INTS3: variants seen among roughly 807,000 people sequenced by gnomAD.
INTS3 encodes integrator complex subunit 3, also known as SOSS complex subunit A.
Under a neutral mutation model 146.3 loss-of-function variants are expected in INTS3, and 34 were observed. The observed-to-expected ratio is 0.23, with a 90% CI of 0.18 to 0.31. INTS3 has a LOEUF of 0.31. Among genes scored for constraint, INTS3 ranks in the 10% least tolerant of loss-of-function variants. The pLI is 1.00. For missense variants in INTS3, 757 were observed against 1,304.2 expected (o/e 0.58, Z 6.46); for synonymous variants, 475 against 494.9 (o/e 0.96, Z 0.53).
chr1:153,748,027 A>G (rs1246449182), intron 5 of INTS3: 1 of 157,758 alleles, frequency 6.3e-6, no homozygotes, highest in Non-Finnish European at 1.4e-5. Context: ...TTTGATGTGT[A>G]TGAACCTTAA....
At chr1:153,732,739 T>C (rs1193306428) in intron 1 of INTS3, among the ~76,000 whole-genome samples, 3 of 151,806 alleles carry the variant, frequency 2.0e-5, no homozygotes, top group Non-Finnish European at 4.4e-5. Flanking sequence ...TGAGTCACTG[T>C]GCCTGGCCAT....
intron 24 of INTS3, 146 bp downstream of exon 24, chr1:153,770,457 G>A: frequency 1.4e-6 from 1 of 709,050 alleles, no homozygotes; most frequent in Admixed American, 2.3e-5. Flanking sequence ...CTCTCTGTCA[G>A]CCACTTTTGT....
At chr1:153,728,834 T>G in intron 1 of INTS3, 50 bp downstream of exon 1, 221 of 622,418 alleles carry the variant, frequency 3.6e-4, no homozygotes, top group Non-Finnish European at 4.6e-4. Flanking sequence ...TTTGGAGGGA[T>G]ACTGGAGCGG....
intron 3 of INTS3, among the ~76,000 whole-genome samples, chr1:153,741,780 G>A (rs1671544044): frequency 6.6e-6 from 1 of 152,190 alleles, no homozygotes; most frequent in Non-Finnish European, 1.5e-5. Flanking sequence ...ATTTTAGTAG[G>A]TAGGATTTAG....
chr1:153,764,851 T>A, intron 19 of INTS3, 93 bp from the exon 20 acceptor site: 1 of 1,557,502 alleles, frequency 6.4e-7, no homozygotes, highest in Non-Finnish European at 8.9e-7. Flanking sequence ...ACATATGCTG[T>A]GGGCACAGAC....
At chr1:153,765,140 A>G (rs1348218538) in intron 20 of INTS3, 77 bp downstream of exon 20, 7 of 1,507,178 alleles carry the variant, frequency 4.6e-6, no homozygotes, top group African/African-American at 1.4e-5. Flanking sequence ...TGACTCCCCA[A>G]CCCTGGACTG....
intron 1 of INTS3, among the ~76,000 whole-genome samples, chr1:153,733,379 A>G (rs2101774470): frequency 6.8e-6 from 1 of 148,028 alleles, no homozygotes. Context: ...CGCCCAGCTA[A>G]TTTTTGTATT....
At chr1:153,760,472 TC>T in intron 12 of INTS3, 82 bp downstream of exon 12, 1 of 1,192,798 alleles carries the variant, frequency 8.4e-7, no homozygotes, top group Non-Finnish European at 1.2e-6. Flanking sequence ...AGTGAACGGG[TC>T]TTCTCGGTAT....
intron 8 of INTS3, 152 bp from the exon 9 acceptor site, chr1:153,754,490 C>T: frequency 1.4e-6 from 1 of 695,510 alleles, no homozygotes; most frequent in East Asian, 2.5e-5. Flanking sequence ...TTGGAATCCC[C>T]ACCTGTGCTT....
rs983524484 is a variant in INTS3, at chr1:153,770,244, G to C, written c.2436G>C (p.Gln812His). ...WETFEQYCAW[Q>H]LFLAHNIPLE... ...CCTTTGAGCAGTATTGTGCCTGGCA[G>C]CTCTTTCTGGCCCACAATATTCCCC... Residue 812 changes from glutamine to histidine, a missense_variant, in exon 24 of 30, where the codon CAG becomes CAC. Gln to His is a conservative substitution (Grantham distance 24). This residue lies in a region of INTS3 where 116 missense variants were observed against 226.5 expected (regional missense o/e 0.51). Coordinates refer to ENST00000318967, the MANE Select transcript of INTS3 (RefSeq NM_023015.5). 6.2e-7 allele frequency: 1 copy of C among 1,613,542 alleles called. No homozygotes were observed. The highest frequency in any genetic ancestry group is 1.1e-5 in the South Asian group (1 of 91,052).
intron 1 of INTS3, among the ~76,000 whole-genome samples, chr1:153,729,249 A>G (rs1002505096): frequency 1.3e-5 from 2 of 152,150 alleles, no homozygotes; most frequent in Admixed American, 6.5e-5. Flanking sequence ...GACACAACCA[A>G]TTGCCAGTGA....
rs1162220562 is a variant in INTS3 at position 153,764,980 on chromosome 1, C to T, written c.2007C>T (p.Phe669=). 1 of 1,614,150 alleles carries T rather than the reference C, an allele frequency of 6.2e-7. No individual in the cohort carries two copies. ...AGATGCAGGAAGACAACAGCAGCTT[C>T]TCTCTACTTCTAGACCTTCTCTCCG... is the stretch of plus-strand genomic sequence containing the variant. ...LCQMQEDNSS[F]SLLLDLLSEL... The change falls in exon 20 of 30, where the codon TTC becomes TTT. Residue 669 remains phenylalanine, a synonymous_variant. Transcript: ENST00000318967.
At chr1:153,750,580 G>A (rs1324416654) in intron 6 of INTS3, among the ~76,000 whole-genome samples, 1 of 152,144 alleles carries the variant, frequency 6.6e-6, no homozygotes, top group Non-Finnish European at 1.5e-5. Context: ...GACTGAGCTA[G>A]CACAGTATGT....
intron 5 of INTS3, chr1:153,747,587 G>C (rs900651663): frequency 1.7e-6 from 1 of 582,488 alleles, no homozygotes; most frequent in African/African-American, 1.9e-5. Context: ...TTTCTTTCCT[G>C]CTAAACCCAG....
At position 153,754,749 on chromosome 1, in the gene INTS3, G is replaced by A; in HGVS notation, c.957+10G>A. The A allele has an allele frequency of 1.3e-6, 2 of 1,566,908 alleles. No individual in the cohort carries two copies. Among genetic ancestry groups the A allele is most frequent in the Non-Finnish European group, 8.8e-7 (1 of 1,136,958 alleles). On this transcript the variant is annotated intron_variant, in intron 9 of 29. Coordinates refer to ENST00000318967, the MANE Select transcript of INTS3 (RefSeq NM_023015.5). ...CTTCATGACATCCCGGGTAAGCTAA[G>A]GTGTTGCAGCAAGAGAAGAGGTCAC...
At chr1:153,754,867 C>T (rs1672104064) in intron 9 of INTS3, 128 bp downstream of exon 9, 1 of 681,630 alleles carries the variant, frequency 1.5e-6, no homozygotes, top group Non-Finnish European at 2.7e-6. Flanking sequence ...CCTGATCTAC[C>T]TGGCTACTGG....
rs771882617 is a variant in INTS3 at position 153,740,680 on chromosome 1, A to G, written c.180A>G (p.Thr60=). The G allele has an allele frequency of 9.3e-6, 15 of 1,614,130 alleles. No individual in the cohort carries two copies. Among genetic ancestry groups the G allele is most frequent in the Admixed American group, 8.3e-5 (5 of 60,014 alleles). The change falls in exon 2 of 30, where the codon ACA becomes ACG. Residue 60 remains threonine (T), a synonymous_variant. Coordinates refer to ENST00000318967, the MANE Select transcript of INTS3 (RefSeq NM_023015.5). ...TGGAAAGGTGTATGAGCATTGTGAC[A>G]TCGATGACTGCTGGTGTCTCGGAGA... The part of the protein sequence containing the change: ...ERLERCMSIV[T]SMTAGVSERE...
chr1:153,769,699 C>A (rs2101829245), intron 22 of INTS3, 70 bp from the exon 23 acceptor site: 1 of 1,002,078 alleles, frequency 1.0e-6, no homozygotes, highest in Non-Finnish European at 1.6e-6. Flanking sequence ...CCTCCTGCGT[C>A]CCCCTCCATA....
At chr1:153,741,583 G>A (rs1671536529) in intron 3 of INTS3, among the ~76,000 whole-genome samples, 1 of 152,196 alleles carries the variant, frequency 6.6e-6, no homozygotes, top group Non-Finnish European at 1.5e-5. Flanking sequence ...CTAAATGGCA[G>A]TCATGAAAGT....
Sources: allele counts gnomAD v4.1 joint callset (sites outside exome capture counted in the v4.1 genomes callset), GRCh38; gene constraint gnomAD v4.1.1; regional missense constraint gnomAD v4.1.1; transcripts MANE v1.5; gene names NCBI Gene and HGNC (gene_info 2026-07-23, HGNC 2026-07-21).